CEP41: variants seen among roughly 807,000 people sequenced by gnomAD.
CEP41 encodes the protein centrosomal protein 41, also known as centrosomal protein of 41 kDa.
CEP41 carries 32 observed loss-of-function variants against 44.3 expected under a neutral mutation model. That is an observed-to-expected ratio of 0.72 (90% confidence interval 0.54 to 0.97). CEP41 has a LOEUF of 0.97. Among genes scored for constraint, CEP41 ranks in the 50% least tolerant of loss-of-function variants. The pLI, the probability that CEP41 is intolerant of heterozygous loss-of-function variation, is 0.00. For missense variants in CEP41, 432 were observed against 455.2 expected (o/e 0.95, Z 0.46); for synonymous variants, 151 against 168.5 (o/e 0.90, Z 0.80).
At chr7:130,417,264 A>G in intron 2 of CEP41, 1 of 1,189,792 alleles carries the variant, frequency 8.4e-7, no homozygotes, top group Non-Finnish European at 1.0e-6. Flanking sequence ...TTGTTTTTCA[A>G]GTCTAGGCTT....
At chr7:130,429,441 G>C (rs1797762419) in intron 1 of CEP41, among the ~76,000 whole-genome samples, 1 of 152,206 alleles carries the variant, frequency 6.6e-6, no homozygotes, top group Non-Finnish European at 1.5e-5. Context: ...ATTAAGTGAG[G>C]AGAAGCTAAT....
chr7:130,402,014 A>G, intron 7 of CEP41, 66 bp from the exon 8 acceptor site: 1 of 1,099,516 alleles, frequency 9.1e-7, no homozygotes, highest in Non-Finnish European at 1.4e-6. Flanking sequence ...CTCAATTCCC[A>G]GCTGGTTTAA....
chr7:130,406,902 G>C (rs976677733), intron 5 of CEP41, among the ~76,000 whole-genome samples: 61 of 151,214 alleles, frequency 4.0e-4, no homozygotes, highest in Non-Finnish European at 9.0e-4. Flanking sequence ...ACACCAACAT[G>C]GCACATATAT....
chr7:130,402,057 T>C (rs1796861329), intron 7 of CEP41, 109 bp from the exon 8 acceptor site: 5 of 778,558 alleles, frequency 6.4e-6, no homozygotes, highest in Middle Eastern at 2.6e-4. Context: ...TCAAAATCCA[T>C]GAGCTGCTGG....
At position 130,411,186 on chromosome 7, in the gene CEP41, G is replaced by C; in HGVS notation, c.213C>G (p.Ile71Met). ...LKVTTFAQLI[I>M]QVASLSDQTL... is the part of the protein sequence containing the mutation. ...TTTGATCAGAGAGGGAAGCAACTTG[G>C]ATGATCTGATAGAAAAAAGAATGAA... The change falls in exon 5 of 11, where the codon ATC (isoleucine) becomes ATG (methionine). Residue 71 changes from isoleucine to methionine, a missense_variant. Physicochemically the swap from Ile to Met is conservative, Grantham distance 10. Coordinates refer to ENST00000223208, the MANE Select transcript of CEP41 (RefSeq NM_018718.3). The C allele has an allele frequency of 1.2e-6, 2 of 1,613,028 alleles. No homozygotes were observed. Among genetic ancestry groups the C allele is most frequent in the Non-Finnish European group, 8.5e-7 (1 of 1,178,984 alleles).
intron 2 of CEP41, among the ~76,000 whole-genome samples, chr7:130,423,019 T>C (rs566564405): frequency 7.6e-4 from 116 of 152,344 alleles, no homozygotes; most frequent in African/African-American, 2.7e-3. Flanking sequence ...CCTTCTTGGC[T>C]CACTGCAGCC....
chr7:130,421,416 T>C (rs965060325), intron 2 of CEP41: 72 of 985,338 alleles, frequency 7.3e-5, no homozygotes, highest in Non-Finnish European at 8.6e-5. Flanking sequence ...CAGTGGTCCT[T>C]TGTTAACCTC....
intron 2 of CEP41, chr7:130,420,948 T>C (rs1797489614): frequency 1.0e-6 from 1 of 983,302 alleles, no homozygotes; most frequent in Non-Finnish European, 1.2e-6. Flanking sequence ...ACTTGACTTA[T>C]ATACAGTATA....
intron 2 of CEP41, among the ~76,000 whole-genome samples, chr7:130,418,841 G>T (rs1554421483): frequency 1.3e-5 from 2 of 152,066 alleles, no homozygotes; most frequent in African/African-American, 4.8e-5. Flanking sequence ...GAAAACACTA[G>T]CCAACCTTAT....
At position 130,395,949 on chromosome 7, in the gene CEP41, A is replaced by C. The variant is rs1554414337; in HGVS notation, c.*2942T>G. 2 of 452,326 alleles carry C rather than the reference A, an allele frequency of 4.4e-6. No homozygotes were observed. Among genetic ancestry groups the C allele is most frequent in the African/African-American group, 2.0e-5 (1 of 49,840 alleles). 28.0% of individuals were successfully genotyped at this position (452,326 alleles called of 1,614,324 possible). ...TTAAATCATTCCATACTTTTTCAAG[A>C]GATTGAGCCTGACATTATTACAGCC... is the stretch of plus-strand genomic sequence containing the variant. On this transcript the variant is annotated 3_prime_UTR_variant, in exon 11 of 11. Transcript: ENST00000223208.
intron 2 of CEP41, among the ~76,000 whole-genome samples, chr7:130,418,567 G>A (rs994568032): frequency 9.9e-5 from 15 of 152,154 alleles, no homozygotes; most frequent in African/African-American, 3.6e-4. Context: ...TATTGACGTG[G>A]CAGGTAGTTT....
At chr7:130,438,697 A>G (rs1798049568) in intron 1 of CEP41, among the ~76,000 whole-genome samples, 1 of 152,176 alleles carries the variant, frequency 6.6e-6, no homozygotes, top group South Asian at 2.1e-4. Flanking sequence ...CACTCCTTTA[A>G]TAACTCAAAA....
At chr7:130,429,561 A>G (rs1186384816) in intron 1 of CEP41, among the ~76,000 whole-genome samples, 1 of 152,184 alleles carries the variant, frequency 6.6e-6, no homozygotes. Context: ...AATTACTGCA[A>G]TGTCTTCCTG....
At chr7:130,400,328 C>A in intron 9 of CEP41, 74 bp from the exon 10 acceptor site, 2 of 1,003,024 alleles carry the variant, frequency 2.0e-6, no homozygotes, top group East Asian at 2.4e-5. Context: ...AAGAAGCCTG[C>A]ATGTCTTCTA....
chr7:130,426,116 G>A (rs1416093902), intron 2 of CEP41, among the ~76,000 whole-genome samples: 1 of 152,174 alleles, frequency 6.6e-6, no homozygotes, highest in Non-Finnish European at 1.5e-5. Flanking sequence ...GTGCATTATA[G>A]TTTTGCAAAA....
At chr7:130,438,910 A>C (rs1554426845) in intron 1 of CEP41, among the ~76,000 whole-genome samples, 2 of 152,212 alleles carry the variant, frequency 1.3e-5, no homozygotes, top group Admixed American at 6.5e-5. Flanking sequence ...GATTAAATCA[A>C]ATTAACATAT....
Position 130,412,223 on chromosome 7 carries a change from C to A in CEP41, c.163G>T (p.Asp55Tyr), listed in dbSNP as rs781848679. The change falls in exon 4 of 11, where the codon GAT becomes TAT. Residue 55 changes from aspartate (D) to tyrosine (Y), a missense_variant. Coordinates refer to ENST00000223208, the MANE Select transcript of CEP41 (RefSeq NM_018718.3). ...ACTTTTAGTCTCTTGAAAAGCTCAT[C>A]TTTTTTGTATCTATAATCTGAAAAA... Reference protein sequence around the residue: ...EIKKNYRYKKDELFKRLKVTT... With the variant: ...EIKKNYRYKKYELFKRLKVTT... 3 of 1,544,952 alleles carry A rather than the reference C, an allele frequency of 1.9e-6. No individual in the cohort carries two copies. In the East Asian group the frequency reaches 6.8e-5, roughly 35 times the overall value.
At chr7:130,408,211 C>A (rs1468117220) in intron 5 of CEP41, among the ~76,000 whole-genome samples, 22 of 152,252 alleles carry the variant, frequency 1.4e-4, no homozygotes, top group Non-Finnish European at 8.8e-5. Context: ...TTTACAAATC[C>A]AGGAGAATTC....
Position 130,395,011 on chromosome 7 carries a change from G to T in CEP41, c.*3880C>A. On this transcript the variant is annotated 3_prime_UTR_variant, in exon 11 of 11. Transcript: ENST00000223208. ...TCAGCAACAGAGAGGGGAGCCATCA[G>T]GGGATCACAATGTGACAGACACCGT... is the stretch of plus-strand genomic sequence containing the variant. 1 of 454,072 alleles carries T rather than the reference G, an allele frequency of 2.2e-6. No individual in the cohort carries two copies. 28.1% of individuals were successfully genotyped at this position (454,072 alleles called of 1,614,324 possible).
Sources: gnomAD v4.1 joint callset for allele counts (sites outside exome capture counted in the v4.1 genomes callset) on GRCh38, gnomAD v4.1.1 for gene constraint, MANE v1.5 for transcripts, NCBI Gene and HGNC (gene_info 2026-07-23, HGNC 2026-07-21) for gene names.